HSPA12B: variants seen among roughly 807,000 people sequenced by gnomAD.
The protein encoded by HSPA12B is heat shock 70 kDa protein 12B.
HSPA12B carries 54 observed loss-of-function variants against 69.3 expected under a neutral mutation model. The ratio of observed to expected loss-of-function variants is 0.78; its 90% confidence interval spans 0.63 to 0.98. The LOEUF is 0.98. Among genes scored for constraint, HSPA12B ranks in the 50% least tolerant of loss-of-function variants. The probability of loss-of-function intolerance (pLI) is 0.00; values close to 1 mark genes in which losing one functional copy is unlikely to be tolerated. For synonymous variants in HSPA12B, 441 were observed against 436.5 expected, an observed-to-expected ratio of 1.01 and a Z score of -0.13; for missense variants, 929 against 999.8, an observed-to-expected ratio of 0.93 and a Z score of 0.96.
intron 8 of HSPA12B, among the ~76,000 whole-genome samples, chr20:3,748,840 C>T (rs1420413564): frequency 2.6e-5 from 4 of 152,096 alleles, no homozygotes; most frequent in Admixed American, 6.5e-5. Flanking sequence ...CTGCCAGGAC[C>T]AGGCACCCAG....
In HSPA12B at chr20:3,749,194, C is replaced by T. The variant is rs1178742691; in HGVS notation, c.851-38C>T. The T allele has an allele frequency of 6.3e-7, 1 of 1,583,394 alleles. No homozygotes were observed. Among genetic ancestry groups the T allele is most frequent in the Non-Finnish European group, 8.6e-7 (1 of 1,157,578 alleles). ...GTTGAACGCCATAGCTGGAGCACCT[C>T]CTTCTAATCTCACTCCCTGCTGTCT... On this transcript the variant is annotated intron_variant, in intron 8 of 12. Transcript: ENST00000254963. This position sits in a 1 kb window ranked among gnomAD's most constrained non-coding sequence, Gnocchi z 5.5.
Position 3,751,711 on chromosome 20 carries a change from G to C in HSPA12B, c.1606G>C (p.Val536Leu), listed in dbSNP as rs965109877. ...CGGCCAGGCGCCGGGCGTGGTGCGG[G>C]TCCGCCGCTCGCCGCTCACCTATGG... ...LFGQAPGVVR[V>L]RRSPLTYGVG... is the part of the protein sequence containing the mutation. Residue 536 changes from valine to leucine, a missense_variant, in exon 13 of 13, where the codon GTC (valine) becomes CTC (leucine). Val to Leu is a conservative substitution (Grantham distance 32, BLOSUM62 1). Coordinates refer to ENST00000254963, the MANE Select transcript of HSPA12B (RefSeq NM_052970.5). The C allele has an allele frequency of 4.7e-6, 7 of 1,485,736 alleles. No individual in the cohort carries two copies. Among genetic ancestry groups the C allele is most frequent in the Non-Finnish European group, 6.2e-6 (7 of 1,121,642 alleles). 92.0% of individuals were successfully genotyped at this position (1,485,736 alleles called of 1,614,324 possible).
At position 3,751,977 on chromosome 20, in the gene HSPA12B, G is replaced by C. The variant is rs915432532; in HGVS notation, c.1872G>C (p.Val624=). The C allele has an allele frequency of 2.4e-5, 38 of 1,576,746 alleles. No individual in the cohort carries two copies. Among genetic ancestry groups the C allele is most frequent in the Non-Finnish European group, 3.3e-5 (38 of 1,166,714 alleles). ...EDARFITDPG[V]RKCGALSLEL... is the part of the protein sequence containing the mutation. Reference sequence around the variant, plus strand: ...CGCGCTTCATCACCGACCCCGGCGTGCGCAAATGCGGCGCGCTCAGCCTCG... The same window carrying C: ...CGCGCTTCATCACCGACCCCGGCGTCCGCAAATGCGGCGCGCTCAGCCTCG... The change falls in exon 13 of 13, where the codon GTG becomes GTC. Residue 624 remains valine, a synonymous_variant. Transcript: ENST00000254963.
At position 3,750,820 on chromosome 20, in the gene HSPA12B, T is replaced by G; in HGVS notation, c.1318T>G (p.Trp440Gly). 6.2e-7 allele frequency: 1 copy of G among 1,613,890 alleles called. No individual in the cohort carries two copies. The highest frequency in any genetic ancestry group is 2.2e-5 in the East Asian group (1 of 44,874). ...LRRSSVNFVKWSSQGMLRMSC... is the reference protein window; with the variant it reads ...LRRSSVNFVKGSSQGMLRMSC... ...CACCAACAGCGTGAACTTCGTGAAG[T>G]GGTCCTCACAGGGGATGCTCCGAAT... Residue 440 changes from tryptophan to glycine, a missense_variant, in exon 12 of 13, where the codon TGG becomes GGG. Coordinates refer to ENST00000254963, the MANE Select transcript of HSPA12B (RefSeq NM_052970.5).
chr20:3,742,386 C>G lies in HSPA12B; in HGVS notation c.244C>G (p.Pro82Ala), dbSNP rs1408897216. 6.2e-7 allele frequency: 1 copy of G among 1,612,718 alleles called. No homozygotes were observed. The highest frequency in any genetic ancestry group is 1.7e-5 in the Admixed American group (1 of 59,982). ...CTATGCTTTCAGCTTTGCCAGTGAC[C>G]CTGAGGCCATCCACATGATGAGGTG... ...SGYAFSFASD[P>A]EAIHMMRKWE... The change falls in exon 4 of 13, where the codon CCT becomes GCT. Residue 82 changes from proline to alanine, a missense_variant. This residue lies in a region of HSPA12B where 477 missense variants were observed against 535.2 expected (regional missense o/e 0.89). Coordinates refer to ENST00000254963, the MANE Select transcript of HSPA12B (RefSeq NM_052970.5).
At chr20:3,742,814 C>T (rs534673588) in intron 4 of HSPA12B, among the ~76,000 whole-genome samples, 1 of 151,968 alleles carries the variant, frequency 6.6e-6, no homozygotes, top group East Asian at 1.9e-4. Context: ...TCTCCTGCCT[C>T]AGCCTCCCAA....
Position 3,752,165 on chromosome 20 carries a change from G to C in HSPA12B, c.2060G>C (p.Ter687SerextTer47). 2.8e-6 allele frequency: 4 copies of C among 1,452,136 alleles called. No individual in the cohort carries two copies. The highest frequency in any genetic ancestry group is 3.6e-6 in the Non-Finnish European group (4 of 1,109,724). 90.0% of individuals were successfully genotyped at this position (1,452,136 alleles called of 1,614,324 possible). A position where few individuals can be genotyped will look rare whatever the true frequency, so the allele number is the denominator to read the frequency against. ...GCGTCCATCGACTTTCTTTCCAACT[G>C]AGGGCGCGCCGGCGCGGTGCCAGCG... Reference protein sequence around the residue: ...VRASIDFLSN* With the variant: ...VRASIDFLSNS Residue 687 changes from the stop codon to serine, a stop_lost, in exon 13 of 13, where the codon TGA becomes TCA. Coordinates refer to ENST00000254963, the MANE Select transcript of HSPA12B (RefSeq NM_052970.5).
At chr20:3,747,919 A>G (rs2146583069) in intron 7 of HSPA12B, among the ~76,000 whole-genome samples, 1 of 152,340 alleles carries the variant, frequency 6.6e-6, no homozygotes, top group South Asian at 2.1e-4. Context: ...CTATCTTGGG[A>G]AATTTGAAGG....
chr20:3,740,219 C>T lies in HSPA12B; in HGVS notation c.44-596C>T, dbSNP rs1485864245. Among the ~76,000 whole-genome samples the T allele has an allele frequency of 6.6e-6, 1 of 152,118 alleles. No individual in the cohort carries two copies. Among genetic ancestry groups the T allele is most frequent in the Non-Finnish European group, 1.5e-5 (1 of 68,000 alleles). On this transcript the variant is annotated intron_variant, in intron 2 of 12. Coordinates refer to ENST00000254963, the MANE Select transcript of HSPA12B (RefSeq NM_052970.5). The surrounding 1 kb of genome is among the most constrained non-coding windows in gnomAD (Gnocchi z 4.9). ...CACCCCCAGTTCAGGACTGGGCTAT[C>T]TCTATGGGTGTGGGAGGAGGTGCTC...
rs575989895 is a variant in HSPA12B at position 3,749,084 on chromosome 20, C to T, written c.851-148C>T. 2.5e-5 allele frequency: 16 copies of T among 649,722 alleles called. No homozygotes were observed. In the South Asian group the frequency reaches 2.6e-4, roughly 11 times the overall value. The allele number at this position is 649,722 out of a possible 1,614,324, so 40.2% of individuals were successfully genotyped here. A position where few individuals can be genotyped will look rare whatever the true frequency, so the allele number is the denominator to read the frequency against. ...GGTGGGAGTTTGGGGTTCAGGATTGCCCTCTCCCAGTCAGGAGCAGGTTGG... is the reference window on the plus strand; with the variant it reads ...GGTGGGAGTTTGGGGTTCAGGATTGTCCTCTCCCAGTCAGGAGCAGGTTGG... On this transcript the variant is annotated intron_variant, in intron 8 of 12. Transcript: ENST00000254963. This position sits in a 1 kb window ranked among gnomAD's most constrained non-coding sequence, Gnocchi z 5.5.
intron 7 of HSPA12B, among the ~76,000 whole-genome samples, chr20:3,746,585 A>G (rs1005636594): frequency 6.6e-6 from 1 of 151,682 alleles, no homozygotes. Context: ...TACAGGCGTG[A>G]GCCACCGCGC....
intron 12 of HSPA12B, 32 bp downstream of exon 12, chr20:3,750,939 C>A: frequency 1.3e-6 from 2 of 1,567,326 alleles, no homozygotes; most frequent in Non-Finnish European, 1.8e-6. Context: ...CCCACCCGCC[C>A]CTACATGAAC....
intron 7 of HSPA12B, 49 bp downstream of exon 7, chr20:3,746,080 C>A: frequency 7.1e-7 from 1 of 1,416,828 alleles, no homozygotes; most frequent in Non-Finnish European, 1.0e-6. Context: ...AAGGGCCAGG[C>A]CTGTCCCCAT....
At position 3,740,008 on chromosome 20, in the gene HSPA12B, G is replaced by C. The variant is rs1011242647; in HGVS notation, c.44-807G>C. Among the ~76,000 whole-genome samples the C allele has an allele frequency of 6.6e-6, 1 of 152,184 alleles. No individual in the cohort carries two copies. On this transcript the variant is annotated intron_variant, in intron 2 of 12. Transcript: ENST00000254963. The surrounding 1 kb of genome is among the most constrained non-coding windows in gnomAD (Gnocchi z 4.9). ...GGCAGGCCCTCCTGCCCCATAAGCC[G>C]CCTGATCCTCGGGGCGAGGCCTGGG... is the stretch of plus-strand genomic sequence containing the variant.
chr20:3,746,152 C>T, intron 7 of HSPA12B, 121 bp downstream of exon 7: 1 of 694,904 alleles, frequency 1.4e-6, no homozygotes, highest in Admixed American at 2.4e-5. Context: ...CTTCAGCCTG[C>T]TCCTGATGGG....
chr20:3,744,698 C>T lies in HSPA12B; in HGVS notation c.267-204C>T, dbSNP rs909052702. Among the ~76,000 whole-genome samples the T allele has an allele frequency of 1.3e-5, 2 of 152,228 alleles. No homozygotes were observed. The highest frequency in any genetic ancestry group is 2.9e-5 in the Non-Finnish European group (2 of 68,040). ...ATACCTCTTGGCTACTTTAAATCCA[C>T]GAAGACAGAATTCTGAATGGCCTTC... On this transcript the variant is annotated intron_variant, in intron 4 of 12. Coordinates refer to ENST00000254963, the MANE Select transcript of HSPA12B (RefSeq NM_052970.5). The surrounding 1 kb of genome is among the most constrained non-coding windows in gnomAD (Gnocchi z 4.9).
At position 3,749,620 on chromosome 20, in the gene HSPA12B, G is replaced by T. The variant is rs2088371971; in HGVS notation, c.938-130G>T. 2 of 681,918 alleles carry T rather than the reference G, an allele frequency of 2.9e-6. No homozygotes were observed. Among genetic ancestry groups the T allele is most frequent in the Non-Finnish European group, 4.9e-6 (2 of 410,902 alleles). 42.2% of individuals were successfully genotyped at this position (681,918 alleles called of 1,614,324 possible). On this transcript the variant is annotated intron_variant, in intron 9 of 12. Coordinates refer to ENST00000254963, the MANE Select transcript of HSPA12B (RefSeq NM_052970.5). This position sits in a 1 kb window ranked among gnomAD's most constrained non-coding sequence, Gnocchi z 5.5. Reference sequence around the variant, plus strand: ...GGTTCAAGCACCTGAAGCCCCTCACGTCCCTCCCCCGACCCTGCAGACAGG... The same window carrying T: ...GGTTCAAGCACCTGAAGCCCCTCACTTCCCTCCCCCGACCCTGCAGACAGG...
At chr20:3,742,091 A>C (rs914126752) in intron 3 of HSPA12B, among the ~76,000 whole-genome samples, 193 bp from the exon 4 acceptor site, 53 of 152,128 alleles carry the variant, frequency 3.5e-4, no homozygotes, top group Non-Finnish European at 6.2e-4. Context: ...AGACACGTCC[A>C]AGGCTCAGCC....
chr20:3,749,723 AGT>A lies in HSPA12B; in HGVS notation c.938-21_938-20del, dbSNP rs780070587. 4 of 1,514,782 alleles carry A rather than the reference AGT, an allele frequency of 2.6e-6. No homozygotes were observed. The highest frequency in any genetic ancestry group is 3.6e-6 in the Non-Finnish European group (4 of 1,121,830). 93.8% of individuals were successfully genotyped at this position (1,514,782 alleles called of 1,614,324 possible). ...GGCTGAGGGTGCGAGGCCGCCCACG[AGT>A]GTGTGCCCGCGCTCGCCGCCGCAGG... On this transcript the variant is annotated intron_variant, in intron 9 of 12. Coordinates refer to ENST00000254963, the MANE Select transcript of HSPA12B (RefSeq NM_052970.5). This position sits in a 1 kb window ranked among gnomAD's most constrained non-coding sequence, Gnocchi z 5.5.
Sources: allele counts gnomAD v4.1 joint callset (sites outside exome capture counted in the v4.1 genomes callset), GRCh38; gene constraint gnomAD v4.1.1; regional missense constraint gnomAD v4.1.1; non-coding constraint Gnocchi (gnomAD v3.1); transcripts MANE v1.5; gene names NCBI Gene and HGNC (gene_info 2026-07-23, HGNC 2026-07-21).